SELENOI: variants seen among roughly 807,000 people sequenced by gnomAD.
SELENOI encodes selenoprotein I, also known as ethanolaminephosphotransferase 1.
A neutral mutation model predicts 50.7 loss-of-function variants in SELENOI; 24 were observed. That is an observed-to-expected ratio of 0.47 (90% CI 0.34 to 0.67). The LOEUF (loss-of-function observed/expected upper bound fraction) is 0.67, where lower values mean the gene tolerates loss of function less well. Among genes scored for constraint, SELENOI ranks in the 30% least tolerant of loss-of-function variants. SELENOI has a pLI of 0.01. For synonymous variants in SELENOI, 155 were observed against 170.2 expected, an observed-to-expected ratio of 0.91 and a Z score of 0.70; for missense variants, 352 against 461.4, an observed-to-expected ratio of 0.76 and a Z score of 2.17.
At chr2:26,383,230 G>A in intron 6 of SELENOI, 69 bp from the exon 7 acceptor site, 1 of 1,190,806 alleles carries the variant, frequency 8.4e-7, no homozygotes, top group East Asian at 2.9e-5. Flanking sequence ...AATTTGTTTT[G>A]CATGATTCAG....
chr2:26,372,706 A>C (rs143543307), intron 4 of SELENOI, among the ~76,000 whole-genome samples: 1 of 152,216 alleles, frequency 6.6e-6, no homozygotes, highest in Admixed American at 6.5e-5. Context: ...GTTCGCTGGA[A>C]GCTTGAGAAT....
At chr2:26,388,195 A>G (rs1268568648) in intron 9 of SELENOI, among the ~76,000 whole-genome samples, 1 of 152,372 alleles carries the variant, frequency 6.6e-6, no homozygotes, top group East Asian at 1.9e-4. Context: ...TCATCAATAT[A>G]TGCATGGCAT....
intron 1 of SELENOI, among the ~76,000 whole-genome samples, chr2:26,350,138 A>G (rs186427060): frequency 2.6e-5 from 4 of 151,760 alleles, no homozygotes. Context: ...ATAAATATAT[A>G]TATAGTTTCA....
Position 26,370,806 on chromosome 2 carries a change from A to T in SELENOI, c.311-2561A>T, listed in dbSNP as rs1368462202. On this transcript the variant is annotated intron_variant, in intron 4 of 9. Transcript: ENST00000260585. ...GGCAGAGGGGCTCCTCACCTCCCGGACGGGGCGGCTGGCCGGGCGGGGGGC... is the reference window on the plus strand; with the variant it reads ...GGCAGAGGGGCTCCTCACCTCCCGGTCGGGGCGGCTGGCCGGGCGGGGGGC... 8.9e-5 allele frequency among the ~76,000 whole-genome samples: 10 copies of T among 112,798 alleles called. No homozygotes were observed. The Admixed American group carries it at 9.5e-4, about 11-fold the overall frequency. 74.0% of individuals were successfully genotyped at this position (112,798 alleles called of 152,430 possible).
At position 26,364,289 on chromosome 2, in the gene SELENOI, C is replaced by G. The variant is rs780123161; in HGVS notation, c.58-13C>G. 1 of 1,530,950 alleles carries G rather than the reference C, an allele frequency of 6.5e-7. No individual in the cohort carries two copies. Among genetic ancestry groups the G allele is most frequent in the Non-Finnish European group, 8.9e-7 (1 of 1,128,008 alleles). 94.8% of individuals were successfully genotyped at this position (1,530,950 alleles called of 1,614,324 possible). On this transcript the variant is annotated splice_polypyrimidine_tract_variant and intron_variant, in intron 1 of 9. Transcript: ENST00000260585. The stretch of plus-strand genomic sequence containing the variant: ...AGGATTTACTCTGAATATTTTCTTT[C>G]ATTTCTTAACAGTACAGTGCTGTGG...
chr2:26,355,390 A>G (rs1177088380), intron 1 of SELENOI, among the ~76,000 whole-genome samples: 1 of 152,174 alleles, frequency 6.6e-6, no homozygotes, highest in East Asian at 1.9e-4. Flanking sequence ...TAGCACAGAG[A>G]CAATAAATAA....
rs1281631332 is a variant in SELENOI at position 26,389,450 on chromosome 2, A to C, written c.*347A>C. On this transcript the variant is annotated 3_prime_UTR_variant, in exon 10 of 10. Coordinates refer to ENST00000260585, the MANE Select transcript of SELENOI (RefSeq NM_033505.4). The stretch of plus-strand genomic sequence containing the variant: ...TAAGTACCAAAATTGGTTTCAGAAC[A>C]CTGATAACACTCAGAAAACCACAGT... 5.7e-6 allele frequency: 1 copy of C among 175,980 alleles called. No homozygotes were observed. The highest frequency in any genetic ancestry group is 5.7e-5 in the Admixed American group (1 of 17,498). The allele number at this position is 175,980 out of a possible 1,614,324, so 10.9% of individuals were successfully genotyped here.
chr2:26,375,273 C>T, intron 6 of SELENOI, 125 bp downstream of exon 6: 1 of 587,420 alleles, frequency 1.7e-6, no homozygotes, highest in Non-Finnish European at 3.0e-6. Context: ...AACAACCCTA[C>T]AACCTTGTAG....
chr2:26,389,236 C>T lies in SELENOI; in HGVS notation c.*133C>T, dbSNP rs191150120. ...TGGTACTTGGACAGCAGGAATGATA[C>T]ATATAATCTGAACTTGGGAAATTTT... On this transcript the variant is annotated 3_prime_UTR_variant, in exon 10 of 10. Transcript: ENST00000260585. 4.4e-6 allele frequency: 3 copies of T among 681,144 alleles called. No individual in the cohort carries two copies. The highest frequency in any genetic ancestry group is 7.4e-6 in the Non-Finnish European group (3 of 408,092). 42.2% of individuals were successfully genotyped at this position (681,144 alleles called of 1,614,324 possible).
In SELENOI at chr2:26,346,245, G is replaced by A. The variant is rs774404691; in HGVS notation, c.13G>A (p.Glu5Lys). ...TTTTCGGGTCGTCATGGCTGGCTAC[G>A]AATACGTGAGCCCGGAGCAGCTGGC... MAGY[E>K]YVSPEQLAGF... is the part of the protein sequence containing the mutation. The change falls in exon 1 of 10, where the codon GAA becomes AAA. Residue 5 changes from glutamate (E) to lysine (K), a missense_variant. Coordinates refer to ENST00000260585, the MANE Select transcript of SELENOI (RefSeq NM_033505.4). 6 of 1,613,610 alleles carry A rather than the reference G, an allele frequency of 3.7e-6. No homozygotes were observed. Among genetic ancestry groups the A allele is most frequent in the Non-Finnish European group, 5.1e-6 (6 of 1,179,630 alleles).
At chr2:26,370,019 T>C (rs1027841037) in intron 4 of SELENOI, among the ~76,000 whole-genome samples, 9 of 150,052 alleles carry the variant, frequency 6.0e-5, no homozygotes, top group African/African-American at 2.2e-4. Context: ...TCCGCAGCGT[T>C]TGTGTCCCTG....
chr2:26,359,855 T>A (rs1403029555), intron 1 of SELENOI, among the ~76,000 whole-genome samples: 2 of 152,182 alleles, frequency 1.3e-5, no homozygotes, highest in African/African-American at 4.8e-5. Context: ...ATGACTGTTT[T>A]ACGTCTTCTC....
At chr2:26,379,121 G>C (rs535389960) in intron 6 of SELENOI, among the ~76,000 whole-genome samples, 1 of 152,096 alleles carries the variant, frequency 6.6e-6, no homozygotes, top group Non-Finnish European at 1.5e-5. Flanking sequence ...AAAATTAGCC[G>C]GGTGTGGTGG....
At chr2:26,351,055 GTTTTTTTTTT>G (rs35623246) in intron 1 of SELENOI, among the ~76,000 whole-genome samples, 28 of 102,898 alleles carry the variant, frequency 2.7e-4, no homozygotes, top group Non-Finnish European at 3.7e-4. Context: ...CTGTTTGTTT[GTTTTTTTTTT>G]TTTTTTTTTT....
intron 9 of SELENOI, among the ~76,000 whole-genome samples, chr2:26,387,751 C>T (rs1375490838): frequency 6.6e-6 from 1 of 151,318 alleles, no homozygotes; most frequent in Admixed American, 6.6e-5. Flanking sequence ...TAAACAATCT[C>T]GAATATTTTT....
chr2:26,367,055 C>G, intron 3 of SELENOI, 91 bp from the exon 4 acceptor site: 1 of 1,077,198 alleles, frequency 9.3e-7, no homozygotes, highest in Non-Finnish European at 1.3e-6. Flanking sequence ...TTCTAATGAA[C>G]AAATAGCGAC....
At chr2:26,373,341 T>A in intron 4 of SELENOI, 26 bp from the exon 5 acceptor site, 1 of 1,592,940 alleles carries the variant, frequency 6.3e-7, no homozygotes, top group Non-Finnish European at 8.6e-7. Flanking sequence ...ACGTTGAACT[T>A]TTCCTGTGGT....
At position 26,383,339 on chromosome 2, in the gene SELENOI, C is replaced by T; in HGVS notation, c.723C>T (p.Asn241=). The T allele has an allele frequency of 1.3e-6, 2 of 1,535,976 alleles. No homozygotes were observed. Among genetic ancestry groups the T allele is most frequent in the Non-Finnish European group, 1.8e-6 (2 of 1,132,022 alleles). Residue 241 remains asparagine (N), a synonymous_variant, in exon 7 of 10, where the codon AAC becomes AAT. Coordinates refer to ENST00000260585, the MANE Select transcript of SELENOI (RefSeq NM_033505.4). ...LCVTLPMSLL[N]FFRSYKNNTL... is the part of the protein sequence containing the mutation. ...TGACTCTTCCAATGAGTTTATTAAA[C>T]TTTTTCAGGTAAGTATTTTATTTTT...
Position 26,384,954 on chromosome 2 carries a change from T to C in SELENOI, c.732-5T>C. 5 of 1,598,318 alleles carry C rather than the reference T, an allele frequency of 3.1e-6. No individual in the cohort carries two copies. The highest frequency in any genetic ancestry group is 4.3e-6 in the Non-Finnish European group (5 of 1,173,188). On this transcript the variant is annotated splice_region_variant and splice_polypyrimidine_tract_variant and intron_variant, in intron 7 of 9. Transcript: ENST00000260585. ...TTCTTTATATTACTTGATTTTTTTT[T>C]CCAGAAGCTATAAAAATAACACCTT...
Sources: allele counts gnomAD v4.1 joint callset (sites outside exome capture counted in the v4.1 genomes callset), GRCh38; gene constraint gnomAD v4.1.1; transcripts MANE v1.5; gene names NCBI Gene and HGNC (gene_info 2026-07-23, HGNC 2026-07-21).